The following AGMO variants were observed in gnomAD, a reference collection of about 807,000 sequenced individuals.
AGMO encodes the protein alkylglycerol monooxygenase, also known as glyceryl-ether monooxygenase.
AGMO carries 75 observed loss-of-function variants against 60.2 expected under a neutral mutation model. That is an observed-to-expected ratio of 1.25 (90% CI 1.03 to 1.51). AGMO has a LOEUF of 1.51. AGMO is among the 40% of genes most tolerant of loss of function. AGMO has a pLI of 0.00. For synonymous variants in AGMO, 261 were observed against 177.1 expected, an observed-to-expected ratio of 1.47 and a Z score of -3.76; for missense variants, 763 against 525.5, an observed-to-expected ratio of 1.45 and a Z score of -4.42.
At chr7:15,431,384 C>T (rs545456419) in intron 3 of AGMO, among the ~76,000 whole-genome samples, 32 of 151,716 alleles carry the variant, frequency 2.1e-4, no homozygotes, top group African/African-American at 5.8e-4. Context: ...ACATTAATTC[C>T]AAAAGTTATA....
At chr7:15,188,150 C>A in the AGMO span, among the ~76,000 whole-genome samples, 1 of 152,158 alleles carries the variant, frequency 6.6e-6, no homozygotes, top group African/African-American at 2.4e-5. Flanking sequence ...AAGAAGGGCG[C>A]AAACTTCAAT....
At chr7:15,131,935 T>C in the AGMO span, among the ~76,000 whole-genome samples, 1 of 151,908 alleles carries the variant, frequency 6.6e-6, no homozygotes, top group East Asian at 1.9e-4. Context: ...TCTAGAGTGA[T>C]AAAAATTCTG....
intron 12 of AGMO, among the ~76,000 whole-genome samples, chr7:15,223,220 A>T (rs1781976491): frequency 6.6e-6 from 1 of 152,006 alleles, no homozygotes; most frequent in African/African-American, 2.4e-5. Context: ...GAAGTGTTAT[A>T]GTAACTGTTA....
chr7:15,255,534 C>CAAAAAAAAA (rs60035165), intron 12 of AGMO, among the ~76,000 whole-genome samples: 103 of 114,668 alleles, frequency 9.0e-4, no homozygotes, highest in Non-Finnish European at 1.1e-3. Flanking sequence ...TGTAAGAATA[C>CAAAAAAAAA]AAAAAAAAAA....
chr7:15,272,916 T>C (rs138172888), intron 12 of AGMO, among the ~76,000 whole-genome samples: 3,374 of 152,342 alleles, frequency 0.022, 126 homozygotes, highest in African/African-American at 0.078. Flanking sequence ...ATGTGTCTGT[T>C]GGCTGCATAA....
chr7:15,144,949 C>T, the AGMO span, among the ~76,000 whole-genome samples: 2 of 152,192 alleles, frequency 1.3e-5, no homozygotes, highest in African/African-American at 4.8e-5. Context: ...CCTGCCTCAG[C>T]CTCCCGAGTA....
intron 2 of AGMO, among the ~76,000 whole-genome samples, chr7:15,547,466 TGC>T (rs1784813756): frequency 6.6e-6 from 1 of 151,962 alleles, no homozygotes; most frequent in Admixed American, 6.5e-5. Context: ...GCGCGCACCG[TGC>T]GCGAGCCGAA....
At chr7:15,473,094 C>A (rs555459787) in intron 3 of AGMO, among the ~76,000 whole-genome samples, 63 of 151,860 alleles carry the variant, frequency 4.1e-4, no homozygotes, top group Non-Finnish European at 7.8e-4. Context: ...GAAATACAAA[C>A]CACAATCAAA....
At chr7:15,475,970 T>C (rs1019474900) in intron 3 of AGMO, among the ~76,000 whole-genome samples, 3 of 152,082 alleles carry the variant, frequency 2.0e-5, no homozygotes, top group Non-Finnish European at 4.4e-5. Context: ...CATGACGTAA[T>C]AGAGCATCAG....
chr7:15,500,681 G>T (rs1783359626), intron 3 of AGMO, among the ~76,000 whole-genome samples: 1 of 151,822 alleles, frequency 6.6e-6, no homozygotes, highest in African/African-American at 2.4e-5. Flanking sequence ...CCATGTCTCA[G>T]TTTCCTTCAG....
the AGMO span, among the ~76,000 whole-genome samples, chr7:15,142,671 A>G: frequency 6.6e-6 from 1 of 152,174 alleles, no homozygotes; most frequent in Non-Finnish European, 1.5e-5. Flanking sequence ...GTGTCCTGTA[A>G]GTGGCTTTTA....
intron 12 of AGMO, among the ~76,000 whole-genome samples, chr7:15,337,728 G>A (rs1433339031): frequency 1.3e-5 from 2 of 152,184 alleles, no homozygotes; most frequent in African/African-American, 4.8e-5. Flanking sequence ...AAAAATCTCT[G>A]TGGCAGTCTT....
At chr7:15,265,545 T>C (rs1257151337) in intron 12 of AGMO, among the ~76,000 whole-genome samples, 2 of 151,884 alleles carry the variant, frequency 1.3e-5, no homozygotes, top group Non-Finnish European at 2.9e-5. Flanking sequence ...TCAAAATAAC[T>C]GTCACGGAAA....
intron 3 of AGMO, among the ~76,000 whole-genome samples, chr7:15,535,500 A>G (rs77471452): frequency 0.031 from 4,758 of 152,002 alleles, 270 homozygotes; most frequent in African/African-American, 0.11. Flanking sequence ...TTACTTTGGC[A>G]TTTGAACTTA....
intron 12 of AGMO, among the ~76,000 whole-genome samples, chr7:15,322,743 A>T (rs1361900531): frequency 4.0e-5 from 5 of 126,342 alleles, no homozygotes; most frequent in Admixed American, 3.8e-4. Flanking sequence ...TAAATATATA[A>T]ATATATATAA....
intron 2 of AGMO, 57 bp downstream of exon 2, chr7:15,560,084 C>T (rs1785261807): frequency 7.0e-7 from 1 of 1,438,666 alleles, no homozygotes; most frequent in African/African-American, 1.4e-5. Flanking sequence ...TTCCTTTGCC[C>T]CTCATACTTA....
At chr7:15,171,978 G>A in the AGMO span, among the ~76,000 whole-genome samples, 1 of 152,028 alleles carries the variant, frequency 6.6e-6, no homozygotes, top group African/African-American at 2.4e-5. Context: ...AAGTATTGAG[G>A]GCCTGGGATA....
chr7:15,184,044 TTTTA>T, the AGMO span, among the ~76,000 whole-genome samples: 127 of 152,306 alleles, frequency 8.3e-4, no homozygotes, highest in South Asian at 2.9e-3. Context: ...GAAAGCACCC[TTTTA>T]TTTAATTTAA....
At chr7:15,382,258 A>T (rs751752237) in intron 10 of AGMO, among the ~76,000 whole-genome samples, 1 of 152,166 alleles carries the variant, frequency 6.6e-6, no homozygotes, top group Non-Finnish European at 1.5e-5. Context: ...AGCAGGATAC[A>T]TTGCATACAC....
Sources: allele counts gnomAD v4.1 joint callset (sites outside exome capture counted in the v4.1 genomes callset), GRCh38; gene constraint gnomAD v4.1.1; transcripts MANE v1.5; gene names NCBI Gene and HGNC (gene_info 2026-07-23, HGNC 2026-07-21).